Variants in CNTNAP3B observed in about 807,000 individuals in gnomAD.
The protein encoded by CNTNAP3B is contactin associated protein family member 3B.
A neutral mutation model predicts 108.9 loss-of-function variants in CNTNAP3B; 25 were observed. The observed-to-expected ratio is 0.23, with a 90% CI of 0.17 to 0.32. The LOEUF is 0.32. CNTNAP3B is among the 10% of genes least tolerant of loss of function. The pLI is 1.00. For missense variants in CNTNAP3B, 252 were observed against 1,210.4 expected, an observed-to-expected ratio of 0.21 and a Z score of 11.75; for synonymous variants, 103 against 473.4, an observed-to-expected ratio of 0.22 and a Z score of 10.16.
At chr9:42,056,604 C>T (rs969335453) in intron 3 of CNTNAP3B, among the ~76,000 whole-genome samples, 1 of 138,262 alleles carries the variant, frequency 7.2e-6, no homozygotes, top group East Asian at 2.2e-4. Context: ...CCCACCTCGG[C>T]CTTCCAAAGT....
At chr9:42,030,764 GA>G (rs1419161816) in intron 3 of CNTNAP3B, among the ~76,000 whole-genome samples, 3 of 117,282 alleles carry the variant, frequency 2.6e-5, no homozygotes, top group Admixed American at 8.6e-5. Flanking sequence ...GAGAGAGAGA[GA>G]GAGAGAGAGA....
chr9:41,945,444 G>A (rs1463765182), intron 13 of CNTNAP3B, among the ~76,000 whole-genome samples: 9 of 152,420 alleles, frequency 5.9e-5, no homozygotes, highest in African/African-American at 2.2e-4. Context: ...CCATGAAAAA[G>A]GATGAGTTCA....
chr9:42,070,752 C>T (rs1300511922), intron 3 of CNTNAP3B, among the ~76,000 whole-genome samples: 1 of 152,170 alleles, frequency 6.6e-6, no homozygotes, highest in Non-Finnish European at 1.5e-5. Context: ...CTCTGACCTT[C>T]CTTCTGCCCC....
At chr9:41,947,405 CT>C (rs1159651602) in intron 13 of CNTNAP3B, among the ~76,000 whole-genome samples, 29 of 152,194 alleles carry the variant, frequency 1.9e-4, no homozygotes, top group African/African-American at 6.8e-4. Flanking sequence ...TTAAAATACA[CT>C]TCTAAATAAG....
At chr9:41,963,905 T>C (rs1237754266) in intron 11 of CNTNAP3B, among the ~76,000 whole-genome samples, 1 of 152,298 alleles carries the variant, frequency 6.6e-6, no homozygotes, top group Non-Finnish European at 1.5e-5. Flanking sequence ...TGCAAAGCAA[T>C]AGCAGAGGGC....
intron 1 of CNTNAP3B, among the ~76,000 whole-genome samples, chr9:42,106,016 T>C (rs938648477): frequency 3.3e-5 from 1 of 29,954 alleles, no homozygotes; most frequent in Non-Finnish European, 6.8e-5. Flanking sequence ...GTGAGATAGA[T>C]AAGAGGTAAT....
chr9:41,937,114 T>TTTATTATTATTA (rs373324080), intron 14 of CNTNAP3B, among the ~76,000 whole-genome samples: 7,078 of 141,366 alleles, frequency 0.05, 23 homozygotes, highest in African/African-American at 0.081. Context: ...TATTTATTAA[T>TTTATTATTATTA]TTATTATTAT....
At chr9:42,103,010 A>ATTTTTT (rs1828025275) in intron 2 of CNTNAP3B, among the ~76,000 whole-genome samples, 1 of 116,446 alleles carries the variant, frequency 8.6e-6, no homozygotes. Flanking sequence ...TTGCACGATG[A>ATTTTTT]GTTACAGGAA....
intron 3 of CNTNAP3B, among the ~76,000 whole-genome samples, chr9:42,056,859 A>C (rs1361330553): frequency 1.2e-4 from 9 of 74,568 alleles, no homozygotes; most frequent in Non-Finnish European, 2.0e-4. Context: ...AGTCTCTTTA[A>C]TGTGGTCTTG....
chr9:41,920,972 T>C (rs1459442163), intron 17 of CNTNAP3B, among the ~76,000 whole-genome samples: 4 of 152,278 alleles, frequency 2.6e-5, no homozygotes. Context: ...TTTAGAGAGG[T>C]TTACAACACC....
At chr9:42,103,511 G>A (rs1828042029) in intron 2 of CNTNAP3B, among the ~76,000 whole-genome samples, 1 of 123,156 alleles carries the variant, frequency 8.1e-6, no homozygotes, top group African/African-American at 3.5e-5. Context: ...ATCAGGAGGT[G>A]AGGAGATCCA....
chr9:42,110,102 T>G (rs1415335708), intron 1 of CNTNAP3B, among the ~76,000 whole-genome samples: 2 of 134,138 alleles, frequency 1.5e-5, no homozygotes, highest in African/African-American at 6.0e-5. Flanking sequence ...TTCTTTTGCT[T>G]TAAGTCTGCC....
chr9:41,924,527 G>A (rs1823755195), intron 15 of CNTNAP3B, among the ~76,000 whole-genome samples: 1 of 152,274 alleles, frequency 6.6e-6, no homozygotes, highest in Non-Finnish European at 1.5e-5. Flanking sequence ...TCGAGCAGCA[G>A]CTCAGTTTGG....
intron 18 of CNTNAP3B, among the ~76,000 whole-genome samples, chr9:41,916,034 A>G (rs1323376086): frequency 7.3e-5 from 11 of 151,544 alleles, no homozygotes; most frequent in African/African-American, 2.7e-4. Context: ...TTTTATGCAT[A>G]CCAAACCCAT....
chr9:42,024,628 A>T (rs1826382179), intron 3 of CNTNAP3B, among the ~76,000 whole-genome samples: 1 of 128,318 alleles, frequency 7.8e-6, no homozygotes, highest in African/African-American at 3.0e-5. Flanking sequence ...AAACAAAAAA[A>T]AGGTCAGAAG....
chr9:42,056,499 C>T lies in CNTNAP3B; in HGVS notation c.390+20370G>A, dbSNP rs1352163145. Reference sequence around the variant, plus strand: ...CTGAGTAGCTGGGACTACAGGCGCCCGCCACCACACCTGGCTAATTTTTTG... The same window carrying T: ...CTGAGTAGCTGGGACTACAGGCGCCTGCCACCACACCTGGCTAATTTTTTG... On this transcript the variant is annotated intron_variant, in intron 3 of 23. Transcript: ENST00000377561. Among the ~76,000 whole-genome samples, 5 of 137,278 alleles carry T rather than the reference C, an allele frequency of 3.6e-5. 1 individual carries two copies. The highest frequency in any genetic ancestry group is 7.8e-5 in the Non-Finnish European group (5 of 64,292). The allele number at this position is 137,278 out of a possible 152,430, so 90.1% of individuals were successfully genotyped here. A position where few individuals can be genotyped will look rare whatever the true frequency, so the allele number is the denominator to read the frequency against.
Position 42,112,068 on chromosome 9 carries a change from G to A in CNTNAP3B, c.86-7329C>T, listed in dbSNP as rs1226233455. On this transcript the variant is annotated intron_variant, in intron 1 of 23. Transcript: ENST00000377561. Reference sequence around the variant, plus strand: ...CCCCGTTACTCTCTGCACTACAGCCGAATCCCCTACACATTTCTCAGATGC... The same window carrying A: ...CCCCGTTACTCTCTGCACTACAGCCAAATCCCCTACACATTTCTCAGATGC... 6.5e-5 allele frequency among the ~76,000 whole-genome samples: 9 copies of A among 139,112 alleles called. No homozygotes were observed. In the East Asian group the frequency reaches 6.5e-4, roughly 10 times the overall value. The allele number at this position is 139,112 out of a possible 152,430, so 91.3% of individuals were successfully genotyped here.
At chr9:41,968,873 T>C (rs1367085365) in intron 10 of CNTNAP3B, among the ~76,000 whole-genome samples, 1 of 151,534 alleles carries the variant, frequency 6.6e-6, no homozygotes, top group Non-Finnish European at 1.5e-5. Flanking sequence ...TCTCATTCAC[T>C]GCAAGCTCCG....
chr9:41,935,632 C>T (rs1399340822), intron 14 of CNTNAP3B, among the ~76,000 whole-genome samples: 1 of 152,248 alleles, frequency 6.6e-6, no homozygotes, highest in Admixed American at 6.5e-5. Context: ...CACACCCCCA[C>T]ATTTACAAAA....
Sources: gnomAD v4.1 joint callset for allele counts (sites outside exome capture counted in the v4.1 genomes callset) on GRCh38, gnomAD v4.1.1 for gene constraint, MANE v1.5 for transcripts, NCBI Gene and HGNC (gene_info 2026-07-23, HGNC 2026-07-21) for gene names.